PIP4K2A: variants seen among roughly 807,000 people sequenced by gnomAD.
PIP4K2A encodes the protein phosphatidylinositol 5-phosphate 4-kinase type-2 alpha.
A neutral mutation model predicts 42.9 loss-of-function variants in PIP4K2A; 14 were observed. The observed-to-expected ratio is 0.33, with a 90% CI of 0.22 to 0.51. The LOEUF (loss-of-function observed/expected upper bound fraction) is 0.51. Among genes scored for constraint, PIP4K2A ranks in the 20% least tolerant of loss-of-function variants. The pLI is 0.97. For missense variants in PIP4K2A, 434 were observed against 519.8 expected, an observed-to-expected ratio of 0.83 and a Z score of 1.61; for synonymous variants, 192 against 192.2, an observed-to-expected ratio of 1.00 and a Z score of 0.01.
intron 1 of PIP4K2A, among the ~76,000 whole-genome samples, chr10:22,704,993 C>G (rs1450961904): frequency 6.6e-6 from 1 of 152,110 alleles, no homozygotes; most frequent in Non-Finnish European, 1.5e-5. Flanking sequence ...CTGACGGACC[C>G]AGCTGTCCAA....
chr10:22,627,052 A>T (rs1838453862), intron 1 of PIP4K2A, among the ~76,000 whole-genome samples: 1 of 152,046 alleles, frequency 6.6e-6, no homozygotes, highest in Non-Finnish European at 1.5e-5. Flanking sequence ...TCTTCTCCCC[A>T]TCTCCTCCCA....
chr10:22,652,167 G>A (rs1291258745), intron 1 of PIP4K2A, among the ~76,000 whole-genome samples: 1 of 151,918 alleles, frequency 6.6e-6, no homozygotes, highest in Non-Finnish European at 1.5e-5. Flanking sequence ...ACCCAGGCTG[G>A]AGTGCAGCGG....
intron 6 of PIP4K2A, among the ~76,000 whole-genome samples, chr10:22,558,220 T>G (rs550888485): frequency 7.3e-4 from 111 of 152,364 alleles, no homozygotes; most frequent in African/African-American, 2.5e-3. Context: ...GATTTACTTG[T>G]AATTCCAAGC....
In PIP4K2A at chr10:22,634,941, G is replaced by A. The variant is rs989184735; in HGVS notation, c.145-25224C>T. Among the ~76,000 whole-genome samples the A allele has an allele frequency of 2.6e-5, 4 of 152,102 alleles. No homozygotes were observed. In the East Asian group the frequency reaches 7.7e-4, roughly 29 times the overall value. On this transcript the variant is annotated intron_variant, in intron 1 of 9. Transcript: ENST00000376573. Reference sequence around the variant, plus strand: ...TAAAACCTGGGTCTTAGGAGATAATGACTGCACTTTAACTGGGATTTCAAA... The same window carrying A: ...TAAAACCTGGGTCTTAGGAGATAATAACTGCACTTTAACTGGGATTTCAAA...
intron 1 of PIP4K2A, among the ~76,000 whole-genome samples, chr10:22,664,112 T>TATAC (rs1377137636): frequency 2.8e-5 from 2 of 72,370 alleles, no homozygotes; most frequent in East Asian, 4.7e-4. Flanking sequence ...TACATATATA[T>TATAC]ATACATATAT....
At chr10:22,670,470 G>A (rs970458917) in intron 1 of PIP4K2A, among the ~76,000 whole-genome samples, 1 of 152,160 alleles carries the variant, frequency 6.6e-6, no homozygotes, top group African/African-American at 2.4e-5. Flanking sequence ...TCTATGGGGT[G>A]TTCACTACAA....
chr10:22,664,340 G>A (rs796903037), intron 1 of PIP4K2A, among the ~76,000 whole-genome samples: 1 of 148,610 alleles, frequency 6.7e-6, no homozygotes, highest in South Asian at 2.1e-4. Context: ...TGTAACTGTT[G>A]TTTTAATTTA....
At chr10:22,564,915 T>C (rs1164253892) in intron 6 of PIP4K2A, among the ~76,000 whole-genome samples, 1 of 152,214 alleles carries the variant, frequency 6.6e-6, no homozygotes, top group East Asian at 1.9e-4. Context: ...CGAAAGCATC[T>C]GACGCTGGGA....
chr10:22,666,704 CTTTT>C lies in PIP4K2A; in HGVS notation c.144+47475_144+47478del, dbSNP rs1839359903. ...TGCACTGTTTCCGGCACCTACATTT[CTTTT>C]TTTCTTTCTGCAGGCTTCATCTGAA... On this transcript the variant is annotated intron_variant, in intron 1 of 9. Coordinates refer to ENST00000376573, the MANE Select transcript of PIP4K2A (RefSeq NM_005028.5). Among the ~76,000 whole-genome samples the C allele has an allele frequency of 2.0e-5, 3 of 152,300 alleles. No individual in the cohort carries two copies. In the South Asian group the frequency reaches 6.2e-4, roughly 32 times the overall value.
chr10:22,663,826 C>T (rs1839255041), intron 1 of PIP4K2A, among the ~76,000 whole-genome samples: 1 of 151,346 alleles, frequency 6.6e-6, no homozygotes, highest in Non-Finnish European at 1.5e-5. Context: ...TGTAACTACA[C>T]CATCATTTAA....
At chr10:22,667,942 G>T (rs138358462) in intron 1 of PIP4K2A, among the ~76,000 whole-genome samples, 1 of 61,408 alleles carries the variant, frequency 1.6e-5, no homozygotes, top group African/African-American at 6.7e-5. Context: ...GGGAGACAGA[G>T]AGACAGAGAG....
At position 22,541,834 on chromosome 10, in the gene PIP4K2A, T is replaced by C. The variant is rs777949335; in HGVS notation, c.1006A>G (p.Ile336Val). 6.3e-7 allele frequency: 1 copy of C among 1,576,386 alleles called. No homozygotes were observed. The highest frequency in any genetic ancestry group is 8.6e-7 in the Non-Finnish European group (1 of 1,163,004). Reference protein sequence around the residue: ...PLAPGEFDPNIDVYGIKCHEN... With the variant: ...PLAPGEFDPNVDVYGIKCHEN... ...TGGCACTTAATTCCATAGACGTCGA[T>C]GTTCGGATCGAACTCCCCGGGAGCC... The change falls in exon 8 of 10, where the codon ATC (isoleucine) becomes GTC (valine). Residue 336 changes from isoleucine to valine, a missense_variant. Coordinates refer to ENST00000376573, the MANE Select transcript of PIP4K2A (RefSeq NM_005028.5).
chr10:22,643,865 C>T (rs939865440), intron 1 of PIP4K2A, among the ~76,000 whole-genome samples: 3 of 152,118 alleles, frequency 2.0e-5, no homozygotes, highest in Non-Finnish European at 4.4e-5. Context: ...CCTACCATCA[C>T]ATTACACCAC....
At chr10:22,556,393 G>C (rs968429435) in intron 6 of PIP4K2A, among the ~76,000 whole-genome samples, 6 of 152,144 alleles carry the variant, frequency 3.9e-5, no homozygotes, top group African/African-American at 1.4e-4. Context: ...AAGACCTTTT[G>C]TTTAAACTGA....
chr10:22,544,619 A>G (rs547165466), intron 7 of PIP4K2A, among the ~76,000 whole-genome samples: 31 of 152,326 alleles, frequency 2.0e-4, no homozygotes, highest in African/African-American at 7.2e-4. Context: ...GTGAAGTGGT[A>G]AAGGCTGAGT....
chr10:22,663,336 A>G (rs879230280), intron 1 of PIP4K2A, among the ~76,000 whole-genome samples: 1 of 152,236 alleles, frequency 6.6e-6, no homozygotes, highest in African/African-American at 2.4e-5. Context: ...ATTAGAGCCT[A>G]ATAAATGTTC....
intron 4 of PIP4K2A, among the ~76,000 whole-genome samples, chr10:22,582,903 A>AGG (rs1837311002): frequency 6.6e-6 from 1 of 151,656 alleles, no homozygotes; most frequent in Non-Finnish European, 1.5e-5. Flanking sequence ...AAAAAAAAAA[A>AGG]AAAAAAAAAG....
intron 6 of PIP4K2A, among the ~76,000 whole-genome samples, chr10:22,562,699 TG>T (rs1836742094): frequency 6.6e-6 from 1 of 152,210 alleles, no homozygotes; most frequent in Non-Finnish European, 1.5e-5. Flanking sequence ...GACTTTCCCC[TG>T]GGTTCGTTCT....
chr10:22,559,345 A>G (rs1226459764), intron 6 of PIP4K2A, among the ~76,000 whole-genome samples: 22 of 152,218 alleles, frequency 1.4e-4, no homozygotes, highest in Admixed American at 1.4e-3. Context: ...ACCTAACAGC[A>G]GTGCTCCACG....
Sources: allele counts gnomAD v4.1 joint callset (sites outside exome capture counted in the v4.1 genomes callset), GRCh38; gene constraint gnomAD v4.1.1; transcripts MANE v1.5; gene names NCBI Gene and HGNC (gene_info 2026-07-23, HGNC 2026-07-21).